KCNQ5: variants seen among roughly 807,000 people sequenced by gnomAD.
KCNQ5 encodes potassium voltage-gated channel subfamily KQT member 5.
A neutral mutation model predicts 98.2 loss-of-function variants in KCNQ5; 30 were observed. That is an observed-to-expected ratio of 0.31 (90% CI 0.23 to 0.41). KCNQ5 has a LOEUF of 0.41. Among genes scored for constraint, KCNQ5 ranks in the 10% least tolerant of loss-of-function variants. The pLI is 1.00. For missense variants in KCNQ5, 835 were observed against 1,182.5 expected (o/e 0.71, Z 4.31); for synonymous variants, 458 against 449.4 (o/e 1.02, Z -0.24).
At chr6:73,161,857 G>A (rs989990601) in intron 10 of KCNQ5, among the ~76,000 whole-genome samples, 10 of 152,054 alleles carry the variant, frequency 6.6e-5, no homozygotes, top group Non-Finnish European at 1.5e-4. Context: ...AGTATAGAAA[G>A]TAGCAATTAG....
At chr6:72,664,798 C>G (rs898937332) in intron 1 of KCNQ5, among the ~76,000 whole-genome samples, 1 of 152,100 alleles carries the variant, frequency 6.6e-6, no homozygotes, top group Non-Finnish European at 1.5e-5. Flanking sequence ...AAGGCCATCA[C>G]TCAAAGGAAT....
intron 1 of KCNQ5, among the ~76,000 whole-genome samples, chr6:72,704,712 A>G (rs1033918109): frequency 6.6e-6 from 1 of 152,092 alleles, no homozygotes; most frequent in Non-Finnish European, 1.5e-5. Context: ...AAAACATGGA[A>G]TGTTACTATC....
At chr6:72,940,580 C>T (rs545042860) in intron 1 of KCNQ5, among the ~76,000 whole-genome samples, 3 of 152,294 alleles carry the variant, frequency 2.0e-5, no homozygotes, top group Admixed American at 6.5e-5. Flanking sequence ...CTACCAGATG[C>T]GGACAGAGAT....
At chr6:72,987,994 G>A (rs1768879832) in intron 1 of KCNQ5, among the ~76,000 whole-genome samples, 1 of 152,156 alleles carries the variant, frequency 6.6e-6, no homozygotes, top group South Asian at 2.1e-4. Flanking sequence ...GGAGACTAAG[G>A]ACAAGGACAA....
Position 72,834,630 on chromosome 6 carries a change from C to T in KCNQ5, c.399-169278C>T, listed in dbSNP as rs535913108. Among the ~76,000 whole-genome samples, 8 of 152,188 alleles carry T rather than the reference C, an allele frequency of 5.3e-5. No homozygotes were observed. The East Asian group carries it at 1.5e-3, about 29-fold the overall frequency. On this transcript the variant is annotated intron_variant, in intron 1 of 13. Transcript: ENST00000370398. ...GCACAATTAAATTCTATCCTTTTTG[C>T]TCAAGGAAACTTTAGGATTGGCCCT...
intron 10 of KCNQ5, among the ~76,000 whole-genome samples, chr6:73,156,496 G>A (rs1158243299): frequency 4.6e-5 from 7 of 152,178 alleles, no homozygotes; most frequent in African/African-American, 9.6e-5. Context: ...GTGGTGGTGC[G>A]CACCTGTAGT....
intron 1 of KCNQ5, among the ~76,000 whole-genome samples, chr6:72,752,754 G>A (rs772915425): frequency 1.3e-5 from 2 of 152,010 alleles, no homozygotes; most frequent in Non-Finnish European, 2.9e-5. Flanking sequence ...TTTTGAAGCT[G>A]TATTTCTGTC....
rs375176073 is a variant in KCNQ5, at chr6:72,845,241, A to G, written c.399-158667A>G. Reference sequence around the variant, plus strand: ...ACTAGCAAAAAGAATGACCGTAAGCATTGGTCATTTGTCACTAGAAAATAA... The same window carrying G: ...ACTAGCAAAAAGAATGACCGTAAGCGTTGGTCATTTGTCACTAGAAAATAA... On this transcript the variant is annotated intron_variant, in intron 1 of 13. Coordinates refer to ENST00000370398, the MANE Select transcript of KCNQ5 (RefSeq NM_019842.4). 3.3e-5 allele frequency among the ~76,000 whole-genome samples: 5 copies of G among 152,164 alleles called. No homozygotes were observed. The East Asian group carries it at 7.7e-4, about 23-fold the overall frequency.
chr6:72,945,822 C>A (rs74980049), intron 1 of KCNQ5, among the ~76,000 whole-genome samples: 1 of 152,044 alleles, frequency 6.6e-6, no homozygotes, highest in Non-Finnish European at 1.5e-5. Context: ...CTTTATTCTG[C>A]AATACTGGTG....
At chr6:73,136,240 A>G (rs1462599927) in intron 10 of KCNQ5, 1 of 152,244 alleles carries the variant, frequency 6.6e-6, no homozygotes, top group East Asian at 1.9e-4. Flanking sequence ...TCAACTTTGT[A>G]GTGTAAGGTC....
At chr6:72,751,156 G>A (rs997015902) in intron 1 of KCNQ5, among the ~76,000 whole-genome samples, 3 of 152,012 alleles carry the variant, frequency 2.0e-5, no homozygotes, top group Non-Finnish European at 4.4e-5. Flanking sequence ...AGAGTAAGAA[G>A]TAGCATTTGA....
chr6:72,809,305 G>A (rs1459845660), intron 1 of KCNQ5, among the ~76,000 whole-genome samples: 2 of 150,532 alleles, frequency 1.3e-5, no homozygotes, highest in African/African-American at 2.4e-5. Flanking sequence ...TGACGAGTTA[G>A]TGGGTGCAGC....
At chr6:72,719,842 AG>A (rs1173682351) in intron 1 of KCNQ5, among the ~76,000 whole-genome samples, 2 of 152,156 alleles carry the variant, frequency 1.3e-5, no homozygotes, top group Non-Finnish European at 2.9e-5. Context: ...GCACTTACTC[AG>A]GGACTGACAC....
chr6:72,864,316 C>G (rs1562032896), intron 1 of KCNQ5, among the ~76,000 whole-genome samples: 1 of 152,072 alleles, frequency 6.6e-6, no homozygotes, highest in Non-Finnish European at 1.5e-5. Flanking sequence ...ATTAGTACTA[C>G]TCAAGACACA....
chr6:72,813,817 T>C (rs1215074886), intron 1 of KCNQ5, among the ~76,000 whole-genome samples: 1 of 152,258 alleles, frequency 6.6e-6, no homozygotes, highest in African/African-American at 2.4e-5. Context: ...CTATATTTTT[T>C]ATTTGTATTA....
At chr6:72,948,031 T>C (rs1766628437) in intron 1 of KCNQ5, among the ~76,000 whole-genome samples, 1 of 152,036 alleles carries the variant, frequency 6.6e-6, no homozygotes. Flanking sequence ...TATGCTGAAG[T>C]TTTCCAGAAC....
intron 3 of KCNQ5, among the ~76,000 whole-genome samples, chr6:73,044,228 C>A (rs965900253): frequency 6.6e-6 from 1 of 152,180 alleles, no homozygotes. Context: ...TGCAGTGAGC[C>A]ATGTTCCTGC....
chr6:73,135,830 G>C (rs984434398), intron 10 of KCNQ5: 6 of 152,142 alleles, frequency 3.9e-5, no homozygotes, highest in Admixed American at 1.3e-4. Context: ...CCTTCTGAAG[G>C]CTTTCTTCTT....
At chr6:73,182,504 C>T (rs1428482149) in intron 11 of KCNQ5, among the ~76,000 whole-genome samples, 1 of 152,156 alleles carries the variant, frequency 6.6e-6, no homozygotes, top group East Asian at 1.9e-4. Flanking sequence ...CAAGGACTCC[C>T]CTACTCCTCT....
Sources: gnomAD v4.1 joint callset for allele counts (sites outside exome capture counted in the v4.1 genomes callset) on GRCh38, gnomAD v4.1.1 for gene constraint, MANE v1.5 for transcripts, NCBI Gene and HGNC (gene_info 2026-07-23, HGNC 2026-07-21) for gene names.